Variants in CORIN observed in about 807,000 individuals in gnomAD.
CORIN encodes corin, serine peptidase.
In CORIN, 117 loss-of-function variants were observed where a neutral mutation model predicts 125.3. That is an observed-to-expected ratio of 0.93 (90% CI 0.80 to 1.09). The LOEUF is 1.09. Among genes scored for constraint, CORIN ranks in the 50% least tolerant of loss-of-function variants. The pLI is 0.00. For missense variants in CORIN, 1,253 were observed against 1,306.7 expected (o/e 0.96, Z 0.63); for synonymous variants, 450 against 466.4 (o/e 0.96, Z 0.45).
chr4:47,785,340 T>C (rs1325395729), intron 3 of CORIN, among the ~76,000 whole-genome samples: 1 of 152,140 alleles, frequency 6.6e-6, no homozygotes, highest in African/African-American at 2.4e-5. Context: ...AGTAACTTTA[T>C]CAAAAGGTAG....
chr4:47,793,676 A>G (rs1731172597), intron 2 of CORIN, among the ~76,000 whole-genome samples: 1 of 152,212 alleles, frequency 6.6e-6, no homozygotes, highest in South Asian at 2.1e-4. Flanking sequence ...CTTCATTTCA[A>G]AGTCTCGTTC....
intron 2 of CORIN, among the ~76,000 whole-genome samples, chr4:47,791,018 A>C (rs187176868): frequency 6.6e-6 from 1 of 152,310 alleles, no homozygotes. Context: ...TGGTAGACAG[A>C]ATAATGCTCC....
intron 1 of CORIN, among the ~76,000 whole-genome samples, chr4:47,809,244 T>A (rs1055682174): frequency 1.3e-5 from 2 of 152,152 alleles, no homozygotes; most frequent in African/African-American, 4.8e-5. Flanking sequence ...GCCAGATACA[T>A]CTCATTTAGC....
At chr4:47,623,430 A>T in intron 19 of CORIN, 141 bp downstream of exon 19, 1 of 821,484 alleles carries the variant, frequency 1.2e-6, no homozygotes, top group Non-Finnish European at 1.9e-6. Context: ...AGAAAACTTT[A>T]GGAAGATAAA....
chr4:47,764,919 C>T (rs1232583832), intron 3 of CORIN, among the ~76,000 whole-genome samples: 1 of 151,868 alleles, frequency 6.6e-6, no homozygotes, highest in Non-Finnish European at 1.5e-5. Context: ...TGATGGAAGC[C>T]CATATTTGAA....
At chr4:47,818,349 CTTAAAGAGT>C (rs1285572211) in intron 1 of CORIN, among the ~76,000 whole-genome samples, 1 of 152,018 alleles carries the variant, frequency 6.6e-6, no homozygotes, top group East Asian at 1.9e-4. Flanking sequence ...GTCTAATACG[CTTAAAGAGT>C]TTATTGGAAA....
chr4:47,795,436 T>TTTGTGTCTGA (rs1731251197), intron 2 of CORIN, among the ~76,000 whole-genome samples: 1 of 152,150 alleles, frequency 6.6e-6, no homozygotes, highest in Non-Finnish European at 1.5e-5. Flanking sequence ...TTTTCATTTA[T>TTTGTGTCTGA]TTGTGTCTGA....
chr4:47,710,812 GC>G (rs1726806715), intron 5 of CORIN, among the ~76,000 whole-genome samples: 1 of 152,204 alleles, frequency 6.6e-6, no homozygotes, highest in Non-Finnish European at 1.5e-5. Context: ...CTGCCTATGT[GC>G]CCCTGATGCA....
rs759707115 is a variant in CORIN at position 47,763,383 on chromosome 4, C to A, written c.613G>T (p.Asp205Tyr). The change falls in exon 4 of 22, where the codon GAC becomes TAC. Residue 205 changes from aspartate to tyrosine, a missense_variant. Transcript: ENST00000273857. ...ATAATCTGGGTTCCGAAATACCTGT[C>A]ATCGCCATCAATGATGCACTCAGGG... ...AFPECIIDGD[D>Y]SHGLLPCRSF... The A allele has an allele frequency of 1.2e-6, 2 of 1,612,774 alleles. No individual in the cohort carries two copies. The highest frequency in any genetic ancestry group is 2.2e-5 in the South Asian group (2 of 90,820).
chr4:47,820,856 G>A (rs1414677168), intron 1 of CORIN, among the ~76,000 whole-genome samples: 4 of 152,178 alleles, frequency 2.6e-5, no homozygotes, highest in African/African-American at 9.7e-5. Flanking sequence ...AATTACTATT[G>A]TGATTAATGC....
At position 47,594,501 on chromosome 4, in the gene CORIN, G is replaced by A. The variant is rs371646008; in HGVS notation, c.*1220C>T. On this transcript the variant is annotated 3_prime_UTR_variant, in exon 22 of 22. Transcript: ENST00000273857. Reference sequence around the variant, plus strand: ...CTAATTGCTTCAGAAATTGAGTTGCGTAAAGTGGCCTAGAGCTAAAAATCA... The same window carrying A: ...CTAATTGCTTCAGAAATTGAGTTGCATAAAGTGGCCTAGAGCTAAAAATCA... 16 of 152,562 alleles carry A rather than the reference G, an allele frequency of 1.0e-4. No homozygotes were observed. The highest frequency in any genetic ancestry group is 3.1e-4 in the African/African-American group (13 of 41,526). 9.5% of individuals were successfully genotyped at this position (152,562 alleles called of 1,614,324 possible). A position where few individuals can be genotyped will look rare whatever the true frequency, so the allele number is the denominator to read the frequency against.
chr4:47,816,376 T>G (rs1490798042), intron 1 of CORIN, among the ~76,000 whole-genome samples: 1 of 152,200 alleles, frequency 6.6e-6, no homozygotes, highest in African/African-American at 2.4e-5. Flanking sequence ...AGGTTTCCAT[T>G]ACAAAACACG....
intron 8 of CORIN, among the ~76,000 whole-genome samples, chr4:47,679,356 C>G (rs766854727): frequency 1.6e-4 from 23 of 145,442 alleles, no homozygotes; most frequent in Non-Finnish European, 3.1e-4. Flanking sequence ...TATATTATTA[C>G]TACGTTCTCT....
At chr4:47,734,179 G>T (rs1267839386) in intron 5 of CORIN, among the ~76,000 whole-genome samples, 1 of 152,150 alleles carries the variant, frequency 6.6e-6, no homozygotes, top group Non-Finnish European at 1.5e-5. Flanking sequence ...TAATACCTTG[G>T]AGATTTACTC....
intron 1 of CORIN, among the ~76,000 whole-genome samples, chr4:47,836,143 A>C (rs1360599502): frequency 6.6e-6 from 1 of 152,178 alleles, no homozygotes; most frequent in East Asian, 1.9e-4. Context: ...CTGGTCAGCC[A>C]AGCCCACACG....
intron 16 of CORIN, among the ~76,000 whole-genome samples, chr4:47,631,985 A>G (rs1437629223): frequency 1.3e-5 from 2 of 152,198 alleles, no homozygotes; most frequent in Non-Finnish European, 2.9e-5. Context: ...ACATTATGAG[A>G]GGGATTAAAT....
chr4:47,676,429 C>G (rs1383638725), intron 9 of CORIN, among the ~76,000 whole-genome samples: 1 of 152,130 alleles, frequency 6.6e-6, no homozygotes, highest in Non-Finnish European at 1.5e-5. Flanking sequence ...CTCAGGGAAG[C>G]TTTGTCTGAG....
intron 5 of CORIN, among the ~76,000 whole-genome samples, chr4:47,697,493 C>T (rs1474759172): frequency 1.3e-5 from 2 of 152,080 alleles, no homozygotes; most frequent in Non-Finnish European, 1.5e-5. Context: ...GCGGGCAGAT[C>T]GCCTGAGGTC....
At chr4:47,618,352 A>G (rs1257541260) in intron 19 of CORIN, among the ~76,000 whole-genome samples, 3 of 149,906 alleles carry the variant, frequency 2.0e-5, no homozygotes, top group Non-Finnish European at 3.0e-5. Context: ...AAAGGAAAGG[A>G]AAGGAAAGGG....
Sources: allele counts gnomAD v4.1 joint callset (sites outside exome capture counted in the v4.1 genomes callset), GRCh38; gene constraint gnomAD v4.1.1; transcripts MANE v1.5; gene names NCBI Gene and HGNC (gene_info 2026-07-23, HGNC 2026-07-21).